GALNT13: variants seen among roughly 807,000 people sequenced by gnomAD.
GALNT13 encodes UDP-GalNAc:polypeptide N-acetylgalactosaminyltransferase 13.
Under a neutral mutation model 64.2 loss-of-function variants are expected in GALNT13, and 28 were observed. The ratio of observed to expected loss-of-function variants is 0.44; its 90% CI spans 0.32 to 0.60. GALNT13 has a LOEUF of 0.60. Ranked by LOEUF, GALNT13 falls within the 20% of genes least tolerant of loss-of-function variation. GALNT13 has a pLI of 0.05. For missense variants in GALNT13, 577 were observed against 669.8 expected, an observed-to-expected ratio of 0.86 and a Z score of 1.53; for synonymous variants, 214 against 224.6, an observed-to-expected ratio of 0.95 and a Z score of 0.42.
intron 3 of GALNT13, among the ~76,000 whole-genome samples, chr2:153,964,569 A>G (rs555394816): frequency 2.6e-5 from 4 of 152,292 alleles, no homozygotes; most frequent in African/African-American, 7.2e-5. Flanking sequence ...TTCATTATAT[A>G]TTATATGTAA....
the GALNT13 span, among the ~76,000 whole-genome samples, chr2:153,846,861 A>G: frequency 6.6e-5 from 10 of 152,284 alleles, no homozygotes; most frequent in African/African-American, 2.4e-4. Flanking sequence ...ATAAATTTAC[A>G]GTTACAACAT....
At chr2:153,745,676 T>G in the GALNT13 span, among the ~76,000 whole-genome samples, 8 of 152,204 alleles carry the variant, frequency 5.3e-5, no homozygotes, top group African/African-American at 1.9e-4. Context: ...TAGGTTAACA[T>G]AGGCCAAAAT....
At chr2:153,713,050 T>G in the GALNT13 span, among the ~76,000 whole-genome samples, 2 of 152,124 alleles carry the variant, frequency 1.3e-5, no homozygotes, top group Non-Finnish European at 2.9e-5. Flanking sequence ...CCAAAGCCAA[T>G]ATATAGGTGA....
At chr2:153,129,324 T>C in the GALNT13 span, among the ~76,000 whole-genome samples, 61 of 152,288 alleles carry the variant, frequency 4.0e-4, no homozygotes, top group Middle Eastern at 3.4e-3. Flanking sequence ...GGTGCTTAGG[T>C]GCTTTCTCTG....
the GALNT13 span, among the ~76,000 whole-genome samples, chr2:153,502,472 C>A: frequency 6.6e-6 from 1 of 152,180 alleles, no homozygotes; most frequent in Non-Finnish European, 1.5e-5. Flanking sequence ...ACCACATTTT[C>A]TTTATCCACT....
At chr2:153,107,560 A>C in the GALNT13 span, among the ~76,000 whole-genome samples, 2 of 152,132 alleles carry the variant, frequency 1.3e-5, no homozygotes, top group South Asian at 4.1e-4. Flanking sequence ...ACTAAAGGAA[A>C]ATACATCTGA....
chr2:153,668,281 C>T, the GALNT13 span, among the ~76,000 whole-genome samples: 1 of 152,094 alleles, frequency 6.6e-6, no homozygotes, highest in Non-Finnish European at 1.5e-5. Context: ...GCAGAACACT[C>T]CACCCAACAA....
chr2:153,586,283 A>G, the GALNT13 span, among the ~76,000 whole-genome samples: 1 of 152,206 alleles, frequency 6.6e-6, no homozygotes. Flanking sequence ...CATGATCCAA[A>G]TATATGCAGC....
the GALNT13 span, among the ~76,000 whole-genome samples, chr2:153,433,268 A>G: frequency 6.6e-6 from 1 of 152,218 alleles, no homozygotes; most frequent in Non-Finnish European, 1.5e-5. Flanking sequence ...TTGTGGTCTT[A>G]GAAGGTTCTG....
At chr2:154,059,897 A>C (rs2105364531) in intron 3 of GALNT13, among the ~76,000 whole-genome samples, 1 of 152,300 alleles carries the variant, frequency 6.6e-6, no homozygotes, top group African/African-American at 2.4e-5. Flanking sequence ...TCAGCAAGGG[A>C]TGGTGAAGCT....
At chr2:154,296,327 A>G (rs1417191447) in intron 8 of GALNT13, among the ~76,000 whole-genome samples, 1 of 152,198 alleles carries the variant, frequency 6.6e-6, no homozygotes, top group Non-Finnish European at 1.5e-5. Flanking sequence ...CTCTGAACAC[A>G]TTCTTCTCTG....
chr2:153,840,987 A>T, the GALNT13 span, among the ~76,000 whole-genome samples: 1 of 152,104 alleles, frequency 6.6e-6, no homozygotes. Flanking sequence ...TAGATATAAG[A>T]ATTCTTAGAT....
At chr2:153,276,878 A>G in the GALNT13 span, among the ~76,000 whole-genome samples, 1 of 152,184 alleles carries the variant, frequency 6.6e-6, no homozygotes, top group Non-Finnish European at 1.5e-5. Context: ...TAAAATAAAA[A>G]GAAGTCCTTA....
the GALNT13 span, among the ~76,000 whole-genome samples, chr2:153,729,952 C>CA: frequency 8.3e-4 from 123 of 148,292 alleles, no homozygotes; most frequent in East Asian, 2.2e-3. Context: ...CAAATACATG[C>CA]AAAAAAAAAA....
At chr2:154,242,470 T>A (rs1000007304) in intron 5 of GALNT13, among the ~76,000 whole-genome samples, 6 of 152,150 alleles carry the variant, frequency 3.9e-5, no homozygotes, top group Non-Finnish European at 5.9e-5. Flanking sequence ...CAAAAATATA[T>A]CTTTTTTCCA....
chr2:153,305,146 C>G, the GALNT13 span, among the ~76,000 whole-genome samples: 1 of 152,054 alleles, frequency 6.6e-6, no homozygotes, highest in South Asian at 2.1e-4. Flanking sequence ...CTCAAGGAAC[C>G]CAACTTGCAG....
At chr2:153,232,315 A>G in the GALNT13 span, among the ~76,000 whole-genome samples, 1 of 152,204 alleles carries the variant, frequency 6.6e-6, no homozygotes, top group African/African-American at 2.4e-5. Context: ...ATATTCACTG[A>G]TATTTTATAA....
intron 9 of GALNT13, among the ~76,000 whole-genome samples, chr2:154,371,366 T>A (rs1293671986): frequency 3.9e-5 from 6 of 152,094 alleles, no homozygotes; most frequent in Non-Finnish European, 8.8e-5. Context: ...TTGCTGTCAA[T>A]GTTGTGAATC....
the GALNT13 span, among the ~76,000 whole-genome samples, chr2:153,312,851 G>A: frequency 1.3e-5 from 2 of 152,146 alleles, no homozygotes; most frequent in Non-Finnish European, 2.9e-5. Flanking sequence ...TTTAAAGGGG[G>A]TGAATTTTAT....
Sources: gnomAD v4.1 joint callset for allele counts (sites outside exome capture counted in the v4.1 genomes callset) on GRCh38, gnomAD v4.1.1 for gene constraint, MANE v1.5 for transcripts, NCBI Gene and HGNC (gene_info 2026-07-23, HGNC 2026-07-21) for gene names.